THSD7B: variants seen among roughly 807,000 people sequenced by gnomAD.
The protein encoded by THSD7B is thrombospondin type 1 domain containing 7B, also known as thrombospondin type-1 domain-containing protein 7B.
THSD7B carries 138 observed loss-of-function variants against 213.6 expected under a neutral mutation model. The observed-to-expected ratio is 0.65, with a 90% CI of 0.56 to 0.74. THSD7B has a LOEUF of 0.74. THSD7B is among the 30% of genes least tolerant of loss of function. The pLI is 0.00. For missense variants in THSD7B, 1,931 were observed against 1,991.5 expected (o/e 0.97, Z 0.58); for synonymous variants, 742 against 687.0 (o/e 1.08, Z -1.25).
chr2:137,191,139 C>T (rs1289874200), intron 7 of THSD7B, among the ~76,000 whole-genome samples: 2 of 152,188 alleles, frequency 1.3e-5, no homozygotes, highest in Non-Finnish European at 1.5e-5. Context: ...ATAACCCCTG[C>T]AGGTGACACC....
intron 27 of THSD7B, among the ~76,000 whole-genome samples, chr2:137,671,065 C>T (rs1374825471): frequency 6.6e-6 from 1 of 151,942 alleles, no homozygotes; most frequent in Non-Finnish European, 1.5e-5. Flanking sequence ...CAGTTCACTT[C>T]AGTATCAGGT....
intron 1 of THSD7B, among the ~76,000 whole-genome samples, chr2:136,837,258 C>A (rs906974087): frequency 1.3e-5 from 2 of 152,196 alleles, no homozygotes; most frequent in African/African-American, 4.8e-5. Context: ...TAAGATCTGC[C>A]AGGGTCTGGC....
At chr2:137,474,961 G>A (rs1222168032) in intron 15 of THSD7B, among the ~76,000 whole-genome samples, 1 of 151,942 alleles carries the variant, frequency 6.6e-6, no homozygotes, top group Non-Finnish European at 1.5e-5. Context: ...TTAGCTTTTT[G>A]TAAATCTGTC....
intron 17 of THSD7B, among the ~76,000 whole-genome samples, chr2:137,586,467 G>C (rs992786068): frequency 3.3e-5 from 5 of 152,112 alleles, no homozygotes; most frequent in African/African-American, 7.2e-5. Context: ...TGTGCAGTGG[G>C]TGGTACCGGT....
intron 15 of THSD7B, chr2:137,512,336 T>C (rs1306776916): frequency 6.6e-6 from 1 of 151,384 alleles, no homozygotes; most frequent in African/African-American, 2.4e-5. Context: ...TCAGAATATA[T>C]GTAAGTTTTG....
chr2:136,863,812 T>G (rs189402005), intron 1 of THSD7B, among the ~76,000 whole-genome samples: 16 of 152,334 alleles, frequency 1.1e-4, no homozygotes, highest in Admixed American at 9.8e-4. Context: ...CAAACTGATA[T>G]TAACCTCTTA....
intron 9 of THSD7B, 130 bp downstream of exon 9, chr2:137,233,263 GACC>G: frequency 1.2e-6 from 1 of 806,834 alleles, no homozygotes; most frequent in Non-Finnish European, 1.9e-6. Flanking sequence ...GTTGCTGTTT[GACC>G]ATTAAAGATT....
chr2:136,979,873 G>T (rs922304182), intron 2 of THSD7B, among the ~76,000 whole-genome samples: 2 of 152,020 alleles, frequency 1.3e-5, no homozygotes, highest in African/African-American at 4.8e-5. Flanking sequence ...CAGCGTGTTT[G>T]CATTGATTTT....
At chr2:137,100,107 T>A (rs1252222803) in intron 4 of THSD7B, among the ~76,000 whole-genome samples, 1 of 3,420 alleles carries the variant, frequency 2.9e-4, no homozygotes, top group African/African-American at 3.9e-4. Flanking sequence ...TTTCTAGACA[T>A]CCTTTTTTCT....
At chr2:136,927,710 A>C (rs1404781446) in intron 2 of THSD7B, among the ~76,000 whole-genome samples, 2 of 152,168 alleles carry the variant, frequency 1.3e-5, no homozygotes, top group African/African-American at 2.4e-5. Context: ...AAACAAGTAG[A>C]CTGTAGATAG....
At chr2:137,139,096 G>A (rs570822922) in intron 5 of THSD7B, among the ~76,000 whole-genome samples, 1 of 151,896 alleles carries the variant, frequency 6.6e-6, no homozygotes, top group South Asian at 2.1e-4. Flanking sequence ...TTTTATATTG[G>A]TTTTTCTCTT....
At chr2:136,888,568 T>G (rs927370051) in intron 2 of THSD7B, among the ~76,000 whole-genome samples, 10 of 152,230 alleles carry the variant, frequency 6.6e-5, no homozygotes, top group Non-Finnish European at 5.9e-5. Flanking sequence ...GTTGACATCA[T>G]TTTAATTACT....
chr2:136,997,431 G>T (rs1685914822), intron 2 of THSD7B, among the ~76,000 whole-genome samples: 1 of 152,192 alleles, frequency 6.6e-6, no homozygotes, highest in Non-Finnish European at 1.5e-5. Flanking sequence ...ATTTTGTATG[G>T]ATACTGTCAT....
At chr2:137,475,503 C>G (rs915023490) in intron 15 of THSD7B, among the ~76,000 whole-genome samples, 1 of 152,136 alleles carries the variant, frequency 6.6e-6, no homozygotes, top group Non-Finnish European at 1.5e-5. Context: ...CCCTTCTCAG[C>G]CTCTGGTAAT....
chr2:137,143,503 T>C (rs1679634409), intron 5 of THSD7B, among the ~76,000 whole-genome samples: 1 of 152,152 alleles, frequency 6.6e-6, no homozygotes, highest in African/African-American at 2.4e-5. Context: ...TTGACAGTGA[T>C]CTGTGTTAAG....
chr2:137,158,921 G>A (rs901925420), intron 5 of THSD7B, among the ~76,000 whole-genome samples: 17 of 151,962 alleles, frequency 1.1e-4, no homozygotes, highest in South Asian at 2.1e-4. Flanking sequence ...TAACATTTTC[G>A]GAACTTTAAC....
intron 7 of THSD7B, among the ~76,000 whole-genome samples, chr2:137,212,666 AAT>A (rs1266165724): frequency 2.0e-5 from 3 of 152,078 alleles, no homozygotes; most frequent in African/African-American, 4.8e-5. Flanking sequence ...ACACAAAAAA[AAT>A]ATCATTTTTT....
chr2:137,222,459 C>T (rs569064857), intron 7 of THSD7B, among the ~76,000 whole-genome samples: 2 of 152,210 alleles, frequency 1.3e-5, no homozygotes, highest in East Asian at 3.9e-4. Flanking sequence ...ATTCTGGATT[C>T]ATGTTTTGAA....
At chr2:137,454,392 A>ATCTATCTGTCTGTCTG (rs1160804861) in intron 15 of THSD7B, among the ~76,000 whole-genome samples, 6 of 115,046 alleles carry the variant, frequency 5.2e-5, no homozygotes, top group African/African-American at 1.8e-4. Flanking sequence ...GAGCCATTCT[A>ATCTATCTGTCTGTCTG]TCTGTCTGTC....
Sources: allele counts gnomAD v4.1 joint callset (sites outside exome capture counted in the v4.1 genomes callset), GRCh38; gene constraint gnomAD v4.1.1; transcripts MANE v1.5; gene names NCBI Gene and HGNC (gene_info 2026-07-23, HGNC 2026-07-21).